The following CCDC178 variants were observed in gnomAD, a reference collection of about 807,000 sequenced individuals.
The protein encoded by CCDC178 is coiled-coil domain-containing protein 178.
In CCDC178, 126 loss-of-function variants were observed where a neutral mutation model predicts 117.4. That is an observed-to-expected ratio of 1.07 (90% CI 0.93 to 1.24). CCDC178 has a LOEUF of 1.24. CCDC178 is among the 50% of genes most tolerant of loss of function. The probability of loss-of-function intolerance (pLI) is 0.00; values close to 1 mark genes in which losing one functional copy is unlikely to be tolerated. For synonymous variants in CCDC178, 283 were observed against 313.4 expected (o/e 0.90, Z 1.02); for missense variants, 1,030 against 986.9 (o/e 1.04, Z -0.59).
chr18:33,361,246 T>C (rs1159309478), intron 6 of CCDC178, among the ~76,000 whole-genome samples: 3 of 151,626 alleles, frequency 2.0e-5, no homozygotes, highest in East Asian at 1.9e-4. Flanking sequence ...GAGGAAAGAA[T>C]AGTCTCTTCA....
At chr18:33,176,306 C>A (rs2058664317) in intron 20 of CCDC178, among the ~76,000 whole-genome samples, 1 of 152,154 alleles carries the variant, frequency 6.6e-6, no homozygotes. Context: ...AGCTCTGTAA[C>A]CCCCTGAACT....
intron 22 of CCDC178, among the ~76,000 whole-genome samples, chr18:32,969,790 G>A (rs2144682424): frequency 1.3e-5 from 2 of 152,102 alleles, no homozygotes; most frequent in South Asian, 4.1e-4. Flanking sequence ...TGCTTACTCA[G>A]TCTAAGACCA....
intron 20 of CCDC178, among the ~76,000 whole-genome samples, chr18:33,117,553 C>T (rs2057874327): frequency 6.6e-6 from 1 of 151,898 alleles, no homozygotes; most frequent in Admixed American, 6.6e-5. Context: ...GGGAACATCA[C>T]ACACCGGGGC....
chr18:33,145,396 T>C lies in CCDC178; in HGVS notation c.2239-52486A>G, dbSNP rs563670039. On this transcript the variant is annotated intron_variant, in intron 20 of 22. Transcript: ENST00000383096. ...ATTCACGTTTATACAATATCTCCACTAATTTCCCAACTTGTTATAGTCCTC... is the reference window on the plus strand; with the variant it reads ...ATTCACGTTTATACAATATCTCCACCAATTTCCCAACTTGTTATAGTCCTC... 2.6e-5 allele frequency among the ~76,000 whole-genome samples: 4 copies of C among 152,314 alleles called. No individual in the cohort carries two copies. The East Asian group carries it at 7.7e-4, about 29-fold the overall frequency.
chr18:32,974,584 T>C lies in CCDC178; in HGVS notation c.2486A>G (p.Asp829Gly), dbSNP rs771033497. ...TATTTTCTGAATACTCTCCTGAGAG[T>C]CTGTCTGGAAGTTGGCCAGCCTCAT... ...SQMRLANFQT[D>G]SQESIQKILA... The change falls in exon 22 of 23, where the codon GAC (aspartate) becomes GGC (glycine). Residue 829 changes from aspartate (D) to glycine (G), a missense_variant. Transcript: ENST00000383096. 67 of 1,613,592 alleles carry C rather than the reference T, an allele frequency of 4.2e-5. No homozygotes were observed. The highest frequency in any genetic ancestry group is 5.0e-5 in the Non-Finnish European group (59 of 1,179,752).
At chr18:33,209,192 TA>T (rs1257535042) in intron 20 of CCDC178, among the ~76,000 whole-genome samples, 1 of 152,056 alleles carries the variant, frequency 6.6e-6, no homozygotes, top group East Asian at 1.9e-4. Context: ...AGACAGTTAG[TA>T]AAAATGCCAT....
At chr18:32,953,091 C>T (rs956132242) in intron 22 of CCDC178, among the ~76,000 whole-genome samples, 14 of 152,044 alleles carry the variant, frequency 9.2e-5, no homozygotes, top group Non-Finnish European at 4.4e-5. Flanking sequence ...AACTTTTATG[C>T]TCTGTCACCT....
chr18:33,207,570 T>C (rs930081439), intron 20 of CCDC178, among the ~76,000 whole-genome samples: 6 of 151,002 alleles, frequency 4.0e-5, no homozygotes, highest in Non-Finnish European at 5.9e-5. Flanking sequence ...ATATCTAAAG[T>C]ATGTTCATTG....
At chr18:33,333,431 T>C (rs757545616) in intron 9 of CCDC178, 37 bp from the exon 10 acceptor site, 1 of 1,037,544 alleles carries the variant, frequency 9.6e-7, no homozygotes. Flanking sequence ...GAAAATCTGA[T>C]TGGAGGAAAT....
intron 14 of CCDC178, among the ~76,000 whole-genome samples, chr18:33,256,564 G>A (rs1325529310): frequency 1.3e-5 from 2 of 151,996 alleles, no homozygotes; most frequent in African/African-American, 2.4e-5. Flanking sequence ...TTATTTCTGA[G>A]TTTATGTTGT....
At chr18:33,159,537 C>T (rs1483416142) in intron 20 of CCDC178, among the ~76,000 whole-genome samples, 2 of 152,114 alleles carry the variant, frequency 1.3e-5, no homozygotes, top group Non-Finnish European at 2.9e-5. Flanking sequence ...AATCACGTCT[C>T]ACTTTCCATT....
At chr18:33,382,646 G>T (rs1436284405) in intron 5 of CCDC178, among the ~76,000 whole-genome samples, 2 of 152,254 alleles carry the variant, frequency 1.3e-5, no homozygotes, top group East Asian at 3.9e-4. Flanking sequence ...CCCAGCGGGG[G>T]TACTACACTT....
At chr18:33,434,769 G>T (rs1355280393) in intron 2 of CCDC178, among the ~76,000 whole-genome samples, 1 of 152,128 alleles carries the variant, frequency 6.6e-6, no homozygotes, top group Non-Finnish European at 1.5e-5. Flanking sequence ...ATGGGGACGT[G>T]AAATGATTCC....
At chr18:33,179,182 G>T (rs1448556670) in intron 20 of CCDC178, among the ~76,000 whole-genome samples, 1 of 131,502 alleles carries the variant, frequency 7.6e-6, no homozygotes, top group Non-Finnish European at 1.6e-5. Context: ...GTTTTAAGGA[G>T]CATATAGTAG....
At chr18:33,133,064 T>C (rs1323320199) in intron 20 of CCDC178, among the ~76,000 whole-genome samples, 1 of 151,808 alleles carries the variant, frequency 6.6e-6, no homozygotes, top group African/African-American at 2.4e-5. Context: ...GAATTTATGT[T>C]AGTAACTCCA....
intron 2 of CCDC178, among the ~76,000 whole-genome samples, chr18:33,416,362 GC>G (rs1457018972): frequency 6.6e-6 from 1 of 151,834 alleles, no homozygotes; most frequent in Non-Finnish European, 1.5e-5. Context: ...AGACGGCGGA[GC>G]TTGCGGTGAG....
In CCDC178 at chr18:33,211,833, T is replaced by C. The variant is rs867743164; in HGVS notation, c.2238+63A>G. The C allele has an allele frequency of 4.3e-5, 59 of 1,386,982 alleles. 2 individuals carry two copies. The Middle Eastern group carries it at 5.2e-3, about 123-fold the overall frequency. The allele number at this position is 1,386,982 out of a possible 1,614,324, so 85.9% of individuals were successfully genotyped here. A position where few individuals can be genotyped will look rare whatever the true frequency, so the allele number is the denominator to read the frequency against. On this transcript the variant is annotated intron_variant, in intron 20 of 22. Transcript: ENST00000383096. Reference sequence around the variant, plus strand: ...CTTCAGGATAAAAATTGTCTCAAACTAGCTGCTAATTTGACTATCACTATA... The same window carrying C: ...CTTCAGGATAAAAATTGTCTCAAACCAGCTGCTAATTTGACTATCACTATA...
intron 20 of CCDC178, among the ~76,000 whole-genome samples, chr18:33,111,197 C>T (rs758471350): frequency 3.4e-4 from 52 of 151,338 alleles, no homozygotes; most frequent in Non-Finnish European, 7.4e-4. Context: ...TTTCTAAATA[C>T]TTGTGGCTAG....
At chr18:33,037,461 T>G (rs2056465967) in intron 21 of CCDC178, among the ~76,000 whole-genome samples, 1 of 151,942 alleles carries the variant, frequency 6.6e-6, no homozygotes, top group Non-Finnish European at 1.5e-5. Context: ...TAACTCCTTG[T>G]TTATTCATTA....
Sources: allele counts gnomAD v4.1 joint callset (sites outside exome capture counted in the v4.1 genomes callset), GRCh38; gene constraint gnomAD v4.1.1; transcripts MANE v1.5; gene names NCBI Gene and HGNC (gene_info 2026-07-23, HGNC 2026-07-21).